MICU3: variants seen among roughly 807,000 people sequenced by gnomAD.
MICU3 encodes calcium uptake protein 3, mitochondrial.
In MICU3, 62 loss-of-function variants were observed where a neutral mutation model predicts 66.5. That is an observed-to-expected ratio of 0.93 (90% CI 0.76 to 1.15). The LOEUF (loss-of-function observed/expected upper bound fraction) is 1.15, where lower values mean the gene tolerates loss of function less well. MICU3 is among the 50% of genes most tolerant of loss of function. The probability of loss-of-function intolerance (pLI) is 0.00; values close to 1 mark genes in which losing one functional copy is unlikely to be tolerated. For synonymous variants in MICU3, 308 were observed against 240.7 expected, an observed-to-expected ratio of 1.28 and a Z score of -2.59; for missense variants, 779 against 664.4, an observed-to-expected ratio of 1.17 and a Z score of -1.90.
intron 6 of MICU3, 53 bp downstream of exon 6, chr8:17,085,371 AT>A: frequency 8.1e-7 from 1 of 1,240,888 alleles, no homozygotes; most frequent in Non-Finnish European, 1.2e-6. Context: ...GCTTACTTAT[AT>A]TTTTATGTTT....
chr8:17,070,870 T>C (rs1772605626), intron 3 of MICU3, among the ~76,000 whole-genome samples: 1 of 151,996 alleles, frequency 6.6e-6, no homozygotes, highest in African/African-American at 2.4e-5. Context: ...TGTACTATGT[T>C]TTTTCAGTTT....
At chr8:17,083,899 G>A (rs1821559667) in intron 5 of MICU3, among the ~76,000 whole-genome samples, 1 of 152,110 alleles carries the variant, frequency 6.6e-6, no homozygotes, top group Non-Finnish European at 1.5e-5. Flanking sequence ...AGGATAAGAA[G>A]TGTTGGCTAG....
the MICU3 span, chr8:17,131,423 T>A: frequency 2.6e-5 from 4 of 151,666 alleles, no homozygotes; most frequent in South Asian, 2.1e-4. Context: ...AAAAGTGGAG[T>A]CTTAAATCAT....
chr8:17,082,312 A>C (rs1302181395), intron 5 of MICU3, among the ~76,000 whole-genome samples: 1 of 152,046 alleles, frequency 6.6e-6, no homozygotes, highest in Non-Finnish European at 1.5e-5. Context: ...AGGGATTTGT[A>C]CCTTCTGCTT....
At chr8:17,030,482 C>A (rs1288215138) in intron 1 of MICU3, among the ~76,000 whole-genome samples, 2 of 151,938 alleles carry the variant, frequency 1.3e-5, no homozygotes, top group Admixed American at 6.6e-5. Flanking sequence ...AGTCTTCTGG[C>A]AGCAGGCACA....
intron 11 of MICU3, among the ~76,000 whole-genome samples, chr8:17,111,424 T>C (rs1365430018): frequency 6.6e-6 from 1 of 152,148 alleles, no homozygotes; most frequent in African/African-American, 2.4e-5. Context: ...TGGGCTCAAG[T>C]GATCCTCCTG....
intron 1 of MICU3, among the ~76,000 whole-genome samples, chr8:17,035,986 G>T (rs1812907537): frequency 1.3e-5 from 2 of 152,188 alleles, no homozygotes; most frequent in Non-Finnish European, 2.9e-5. Flanking sequence ...GCCGGGACTA[G>T]TACCTTTGTG....
intron 10 of MICU3, among the ~76,000 whole-genome samples, chr8:17,105,157 G>T (rs1390971276): frequency 1.3e-5 from 2 of 151,864 alleles, no homozygotes; most frequent in African/African-American, 4.8e-5. Context: ...AGGTACTTTT[G>T]TTATCCCCAT....
intron 8 of MICU3, among the ~76,000 whole-genome samples, chr8:17,092,027 G>A (rs1380086924): frequency 2.0e-5 from 3 of 151,928 alleles, no homozygotes; most frequent in African/African-American, 7.2e-5. Flanking sequence ...ACAGGCACAT[G>A]CCACCATGCC....
At chr8:17,098,345 A>C in intron 8 of MICU3, 113 bp from the exon 9 acceptor site, 1 of 784,894 alleles carries the variant, frequency 1.3e-6, no homozygotes, top group Non-Finnish European at 2.2e-6. Flanking sequence ...ACAAACAAAA[A>C]AAGGTAAGCT....
At chr8:17,085,935 A>G (rs534890031) in intron 6 of MICU3, among the ~76,000 whole-genome samples, 7 of 152,092 alleles carry the variant, frequency 4.6e-5, no homozygotes, top group Non-Finnish European at 7.4e-5. Flanking sequence ...TTTTACCCAT[A>G]TATTTTGCAT....
At chr8:17,135,369 G>C in the MICU3 span, among the ~76,000 whole-genome samples, 47 of 151,690 alleles carry the variant, frequency 3.1e-4, no homozygotes, top group Non-Finnish European at 5.7e-4. Flanking sequence ...CTGCACTCCA[G>C]CCTGGGCAGC....
At chr8:17,045,372 A>G (rs1488021823) in intron 1 of MICU3, among the ~76,000 whole-genome samples, 1 of 152,188 alleles carries the variant, frequency 6.6e-6, no homozygotes, top group Admixed American at 6.5e-5. Context: ...TGGAGGAAGG[A>G]ATGCTGCACA....
chr8:17,027,506 G>C lies in MICU3; in HGVS notation c.227G>C (p.Gly76Ala), dbSNP rs1245333273. Reference sequence around the variant, plus strand: ...AGCGTGGCGGCGGCGGCCGGCGGGGGGCTGGTCGGCCTGGTATGCTACCAG... The same window carrying C: ...AGCGTGGCGGCGGCGGCCGGCGGGGCGCTGGTCGGCCTGGTATGCTACCAG... ...ELSVAAAAGG[G>A]LVGLVCYQLY... Residue 76 changes from glycine (G) to alanine (A), a missense_variant, in exon 1 of 15, where the codon GGG becomes GCG. Coordinates refer to ENST00000318063, the MANE Select transcript of MICU3 (RefSeq NM_181723.3). 3.9e-6 allele frequency: 5 copies of C among 1,283,562 alleles called. No homozygotes were observed. The highest frequency in any genetic ancestry group is 4.9e-6 in the Non-Finnish European group (5 of 1,020,040). The allele number at this position is 1,283,562 out of a possible 1,614,324, so 79.5% of individuals were successfully genotyped here.
chr8:17,118,698 G>C lies in MICU3; in HGVS notation c.1525-9G>C. On this transcript the variant is annotated splice_polypyrimidine_tract_variant and intron_variant, in intron 13 of 14. Coordinates refer to ENST00000318063, the MANE Select transcript of MICU3 (RefSeq NM_181723.3). Reference sequence around the variant, plus strand: ...GTACATTTGCACACTTTGCTCTTCTGTTTTACAGGGTTATAAAACAGTCCA... The same window carrying C: ...GTACATTTGCACACTTTGCTCTTCTCTTTTACAGGGTTATAAAACAGTCCA... 1.3e-6 allele frequency: 2 copies of C among 1,596,630 alleles called. No homozygotes were observed. Among genetic ancestry groups the C allele is most frequent in the South Asian group, 2.2e-5 (2 of 89,874 alleles).
intron 1 of MICU3, among the ~76,000 whole-genome samples, chr8:17,061,105 G>C (rs1468281762): frequency 6.6e-6 from 1 of 152,162 alleles, no homozygotes; most frequent in Non-Finnish European, 1.5e-5. Flanking sequence ...AACAATCACA[G>C]GGCATTACTA....
At chr8:17,061,412 G>T (rs1314958593) in intron 1 of MICU3, among the ~76,000 whole-genome samples, 3 of 151,812 alleles carry the variant, frequency 2.0e-5, no homozygotes, top group Admixed American at 6.6e-5. Context: ...ATCTCAGGAG[G>T]TAACAGGGTT....
intron 11 of MICU3, among the ~76,000 whole-genome samples, chr8:17,111,806 T>C (rs893454313): frequency 3.9e-5 from 6 of 152,234 alleles, no homozygotes; most frequent in Admixed American, 2.0e-4. Flanking sequence ...TTGACATCTA[T>C]ATTAGTTCAC....
chr8:17,069,164 C>G (rs1248779165), intron 2 of MICU3, among the ~76,000 whole-genome samples: 4 of 152,080 alleles, frequency 2.6e-5, no homozygotes, highest in African/African-American at 9.6e-5. Context: ...GGACAAGTTT[C>G]CCCATCACTT....
Sources: gnomAD v4.1 joint callset for allele counts (sites outside exome capture counted in the v4.1 genomes callset) on GRCh38, gnomAD v4.1.1 for gene constraint, MANE v1.5 for transcripts, NCBI Gene and HGNC (gene_info 2026-07-23, HGNC 2026-07-21) for gene names.